Variants in ASTN2 observed in about 807,000 individuals in gnomAD.
The protein encoded by ASTN2 is astrotactin 2, also known as astrotactin-2.
In ASTN2, 54 loss-of-function variants were observed where a neutral mutation model predicts 139.8. The ratio of observed to expected loss-of-function variants is 0.39; its 90% CI spans 0.31 to 0.48. ASTN2 has a LOEUF of 0.48. Among genes scored for constraint, ASTN2 ranks in the 20% least tolerant of loss-of-function variants. The pLI is 0.95. For synonymous variants in ASTN2, 756 were observed against 719.5 expected (o/e 1.05, Z -0.81); for missense variants, 1,565 against 1,725.1 (o/e 0.91, Z 1.64).
intron 13 of ASTN2, among the ~76,000 whole-genome samples, chr9:116,790,375 T>A (rs1830497750): frequency 6.6e-6 from 1 of 152,132 alleles, no homozygotes; most frequent in Non-Finnish European, 1.5e-5. Flanking sequence ...ATGGCCCCCT[T>A]TGGTGCTTAC....
intron 1 of ASTN2, among the ~76,000 whole-genome samples, chr9:117,365,768 G>A (rs1829827676): frequency 6.6e-6 from 1 of 152,168 alleles, no homozygotes; most frequent in Non-Finnish European, 1.5e-5. Flanking sequence ...ATGATGTGGC[G>A]AGGCCCCAGG....
At chr9:117,383,533 T>C (rs1039985435) in intron 1 of ASTN2, among the ~76,000 whole-genome samples, 2 of 152,000 alleles carry the variant, frequency 1.3e-5, no homozygotes, top group Non-Finnish European at 2.9e-5. Flanking sequence ...CTGTAACACT[T>C]GTGGGGGCTG....
chr9:117,257,045 T>C (rs1367997731), intron 2 of ASTN2, among the ~76,000 whole-genome samples: 2 of 152,170 alleles, frequency 1.3e-5, no homozygotes, highest in East Asian at 1.9e-4. Context: ...GCACAACTTA[T>C]AGAAAAAAAC....
chr9:117,053,379 G>T (rs1464149102), intron 5 of ASTN2, among the ~76,000 whole-genome samples: 1 of 152,122 alleles, frequency 6.6e-6, no homozygotes, highest in East Asian at 1.9e-4. Context: ...TTGAGCCCAG[G>T]AGTTTGAGGC....
intron 3 of ASTN2, among the ~76,000 whole-genome samples, chr9:117,186,057 C>G (rs2132955793): frequency 6.6e-6 from 1 of 152,254 alleles, no homozygotes; most frequent in Non-Finnish European, 1.5e-5. Flanking sequence ...AATCCTGGGT[C>G]TAATACAAAC....
chr9:117,091,195 A>G (rs1025216056), intron 5 of ASTN2, among the ~76,000 whole-genome samples: 1 of 152,232 alleles, frequency 6.6e-6, no homozygotes, highest in Non-Finnish European at 1.5e-5. Context: ...AAGAGGTGGC[A>G]GACAGAAAAT....
At chr9:116,686,966 C>CA in intron 16 of ASTN2, 1 of 1,463,128 alleles carries the variant, frequency 6.8e-7, no homozygotes, top group East Asian at 2.5e-5. Flanking sequence ...AGTAAGGTGC[C>CA]AACGCTTTGC....
At chr9:116,747,459 C>T (rs574593174) in intron 13 of ASTN2, among the ~76,000 whole-genome samples, 1 of 152,244 alleles carries the variant, frequency 6.6e-6, no homozygotes, top group East Asian at 1.9e-4. Flanking sequence ...GTGTTAGGTT[C>T]TCTGCAGGCT....
intron 10 of ASTN2, among the ~76,000 whole-genome samples, chr9:116,898,876 C>T (rs1000408432): frequency 7.9e-5 from 12 of 152,170 alleles, no homozygotes; most frequent in Middle Eastern, 3.4e-3. Flanking sequence ...CTCACTATAT[C>T]GCCCTAGCTG....
intron 16 of ASTN2, among the ~76,000 whole-genome samples, chr9:116,665,628 A>G (rs922225180): frequency 1.3e-5 from 2 of 152,204 alleles, no homozygotes; most frequent in African/African-American, 4.8e-5. Flanking sequence ...TGGAACAAGT[A>G]TGGTACAAGC....
intron 16 of ASTN2, among the ~76,000 whole-genome samples, chr9:116,714,035 A>G (rs1449657793): frequency 2.6e-5 from 4 of 152,172 alleles, no homozygotes; most frequent in African/African-American, 7.2e-5. Context: ...AGATCATGTG[A>G]TTAACTAACT....
intron 16 of ASTN2, among the ~76,000 whole-genome samples, chr9:116,691,153 C>T (rs1226462887): frequency 6.6e-6 from 1 of 152,140 alleles, no homozygotes; most frequent in South Asian, 2.1e-4. Flanking sequence ...ATTTTGATAA[C>T]CCTAAGTAGT....
At position 116,530,122 on chromosome 9, in the gene ASTN2, T is replaced by C. The variant is rs1851267724; in HGVS notation, c.3356-42622A>G. 4.0e-5 allele frequency among the ~76,000 whole-genome samples: 2 copies of C among 49,674 alleles called. 1 individual carries two copies. Among genetic ancestry groups the C allele is most frequent in the South Asian group, 1.3e-3 (2 of 1,546 alleles). 32.6% of individuals were successfully genotyped at this position (49,674 alleles called of 152,430 possible). The stretch of plus-strand genomic sequence containing the variant: ...ATATATATATATATATATATATATA[T>C]ATATATATATATATATATATATATA... On this transcript the variant is annotated intron_variant, in intron 19 of 22. Coordinates refer to ENST00000313400, the MANE Select transcript of ASTN2 (RefSeq NM_001365068.1).
At chr9:117,337,076 T>G (rs1442468741) in intron 1 of ASTN2, among the ~76,000 whole-genome samples, 3 of 152,102 alleles carry the variant, frequency 2.0e-5, no homozygotes, top group Non-Finnish European at 4.4e-5. Context: ...AATGCTAACA[T>G]CAAATTAATG....
intron 3 of ASTN2, among the ~76,000 whole-genome samples, chr9:117,170,764 T>C (rs1321837627): frequency 6.6e-6 from 1 of 152,076 alleles, no homozygotes; most frequent in Admixed American, 6.6e-5. Flanking sequence ...CTTGGCCGTA[T>C]CCCATTTCTC....
intron 19 of ASTN2, among the ~76,000 whole-genome samples, chr9:116,502,722 G>T (rs1428659491): frequency 3.7e-4 from 25 of 68,140 alleles, no homozygotes; most frequent in Admixed American, 6.2e-4. Context: ...AAGGAAGGAA[G>T]GAAGGAAGGA....
At chr9:116,909,757 C>T (rs896554707) in intron 10 of ASTN2, among the ~76,000 whole-genome samples, 10 of 152,084 alleles carry the variant, frequency 6.6e-5, no homozygotes, top group South Asian at 2.1e-4. Context: ...GTGTTGTCTT[C>T]GAAGCCAAAT....
chr9:116,883,813 G>C (rs1387412338), intron 10 of ASTN2, among the ~76,000 whole-genome samples: 1 of 152,200 alleles, frequency 6.6e-6, no homozygotes, highest in Non-Finnish European at 1.5e-5. Flanking sequence ...GGCATAAATA[G>C]AACTACCATC....
intron 4 of ASTN2, among the ~76,000 whole-genome samples, chr9:117,100,418 T>A (rs1362733654): frequency 2.0e-5 from 3 of 152,214 alleles, no homozygotes; most frequent in African/African-American, 7.2e-5. Flanking sequence ...AGGGTAAACA[T>A]AAAAGTTCAA....
Sources: gnomAD v4.1 joint callset for allele counts (sites outside exome capture counted in the v4.1 genomes callset) on GRCh38, gnomAD v4.1.1 for gene constraint, MANE v1.5 for transcripts, NCBI Gene and HGNC (gene_info 2026-07-23, HGNC 2026-07-21) for gene names.